Variants in UVRAG observed in about 807,000 individuals in gnomAD.
UVRAG encodes UV radiation resistance associated.
A neutral mutation model predicts 78.0 loss-of-function variants in UVRAG; 19 were observed. The observed-to-expected ratio is 0.24, with a 90% CI of 0.17 to 0.36. The LOEUF (loss-of-function observed/expected upper bound fraction) is 0.36, where lower values mean the gene tolerates loss of function less well. Ranked by LOEUF, UVRAG falls within the 10% of genes least tolerant of loss-of-function variation. UVRAG has a pLI of 1.00. For missense variants in UVRAG, 740 were observed against 853.8 expected (o/e 0.87, Z 1.66); for synonymous variants, 323 against 324.6 (o/e 1.00, Z 0.05).
In UVRAG at chr11:76,016,907, C is replaced by G; in HGVS notation, c.1153C>G (p.Pro385Ala). Residue 385 changes from proline (P) to alanine (A), a missense_variant, in exon 12 of 15, where the codon CCT (proline) becomes GCT (alanine). Physicochemically the swap from Pro to Ala is conservative, Grantham distance 27 (BLOSUM62 -1). Transcript: ENST00000356136. ...SFFLQVPLRY[P>A]IIHKGSRSTI... Reference sequence around the variant, plus strand: ...TTTCCTACAAGTGCCCCTCAGATATCCTATAATTCATAAGGGGTCTAGATC... The same window carrying G: ...TTTCCTACAAGTGCCCCTCAGATATGCTATAATTCATAAGGGGTCTAGATC... 6.2e-7 allele frequency: 1 copy of G among 1,612,084 alleles called. No homozygotes were observed. The highest frequency in any genetic ancestry group is 8.5e-7 in the Non-Finnish European group (1 of 1,178,758).
chr11:75,886,873 A>G (rs1044894591), intron 4 of UVRAG, among the ~76,000 whole-genome samples: 4 of 150,718 alleles, frequency 2.7e-5, no homozygotes, highest in South Asian at 2.1e-4. Context: ...TTTTGCCACA[A>G]CTCTTTCTGA....
At chr11:76,002,629 T>C (rs1949837617) in intron 8 of UVRAG, among the ~76,000 whole-genome samples, 1 of 152,184 alleles carries the variant, frequency 6.6e-6, no homozygotes, top group Non-Finnish European at 1.5e-5. Context: ...TCAACCTAAA[T>C]GTCTTAAAAA....
intron 12 of UVRAG, among the ~76,000 whole-genome samples, chr11:76,020,851 C>T (rs1181401770): frequency 1.3e-5 from 2 of 152,000 alleles, no homozygotes; most frequent in East Asian, 3.9e-4. Flanking sequence ...CCCCAGAGCA[C>T]CTTTTCCGTG....
intron 5 of UVRAG, among the ~76,000 whole-genome samples, chr11:75,901,784 C>G (rs1258076923): frequency 6.6e-6 from 1 of 152,114 alleles, no homozygotes; most frequent in Non-Finnish European, 1.5e-5. Context: ...CTTGCTATTC[C>G]TTATTTCTAA....
chr11:75,824,289 C>T (rs1029090523), intron 1 of UVRAG, among the ~76,000 whole-genome samples: 2 of 151,930 alleles, frequency 1.3e-5, no homozygotes, highest in African/African-American at 4.8e-5. Flanking sequence ...GAGGAAGCCT[C>T]AGAAACTTAA....
At chr11:75,902,656 A>G (rs910227219) in intron 5 of UVRAG, among the ~76,000 whole-genome samples, 2 of 151,880 alleles carry the variant, frequency 1.3e-5, no homozygotes, top group Non-Finnish European at 2.9e-5. Flanking sequence ...CCTGGCCTCA[A>G]ATTTTATAGT....
chr11:75,908,950 A>G (rs1219623751), intron 5 of UVRAG, among the ~76,000 whole-genome samples: 2 of 151,978 alleles, frequency 1.3e-5, no homozygotes, highest in African/African-American at 4.8e-5. Context: ...GTATTCTTTT[A>G]TAAGCCTTCT....
chr11:76,028,578 GAA>G (rs1267683450), intron 12 of UVRAG, among the ~76,000 whole-genome samples: 7 of 152,002 alleles, frequency 4.6e-5, no homozygotes, highest in Non-Finnish European at 8.8e-5. Flanking sequence ...ATAAGAAAGT[GAA>G]AAGACTTATT....
chr11:76,078,896 T>C (rs1951449229), intron 13 of UVRAG, among the ~76,000 whole-genome samples: 1 of 151,684 alleles, frequency 6.6e-6, no homozygotes, highest in African/African-American at 2.4e-5. Context: ...ACCACTGCAC[T>C]CCAGCCTGGG....
intron 2 of UVRAG, among the ~76,000 whole-genome samples, chr11:75,858,153 A>AAT (rs1555075539): frequency 9.9e-5 from 15 of 151,822 alleles, no homozygotes; most frequent in African/African-American, 3.4e-4. Flanking sequence ...GGTAAAAAAA[A>AAT]ATATATATGT....
chr11:76,081,602 C>G (rs1344118145), intron 13 of UVRAG, among the ~76,000 whole-genome samples: 1 of 151,820 alleles, frequency 6.6e-6, no homozygotes, highest in Non-Finnish European at 1.5e-5. Context: ...CAGTAATATT[C>G]TACAATTTCT....
intron 14 of UVRAG, among the ~76,000 whole-genome samples, chr11:76,135,497 T>G (rs1348478115): frequency 6.6e-6 from 1 of 151,904 alleles, no homozygotes; most frequent in Non-Finnish European, 1.5e-5. Flanking sequence ...CAGGAAATAC[T>G]TTTTTACTTA....
intron 6 of UVRAG, among the ~76,000 whole-genome samples, chr11:75,960,906 A>C (rs368160519): frequency 6.6e-6 from 1 of 152,146 alleles, no homozygotes; most frequent in South Asian, 2.1e-4. Flanking sequence ...GCTAGTTTGA[A>C]CCTGGCCGAG....
chr11:76,060,329 A>G (rs1471433077), intron 12 of UVRAG, among the ~76,000 whole-genome samples: 2 of 152,240 alleles, frequency 1.3e-5, no homozygotes, highest in Non-Finnish European at 2.9e-5. Context: ...GCTACCTATC[A>G]TGATGACTCT....
intron 14 of UVRAG, among the ~76,000 whole-genome samples, chr11:76,127,667 A>T (rs1414329764): frequency 6.7e-6 from 1 of 149,636 alleles, no homozygotes; most frequent in Admixed American, 6.7e-5. Flanking sequence ...GAATGAATGA[A>T]TCAATGAGGC....
chr11:75,874,584 T>C (rs1690225771), intron 3 of UVRAG, among the ~76,000 whole-genome samples: 1 of 152,226 alleles, frequency 6.6e-6, no homozygotes, highest in Non-Finnish European at 1.5e-5. Flanking sequence ...TGTGGATTTA[T>C]TGTTAGGATT....
intron 13 of UVRAG, among the ~76,000 whole-genome samples, chr11:76,069,063 C>G (rs1951251729): frequency 6.6e-6 from 1 of 152,206 alleles, no homozygotes; most frequent in Non-Finnish European, 1.5e-5. Context: ...TTTGAATAGT[C>G]AATAGGACCT....
At chr11:76,051,094 G>A (rs539518614) in intron 12 of UVRAG, among the ~76,000 whole-genome samples, 4 of 152,282 alleles carry the variant, frequency 2.6e-5, no homozygotes, top group African/African-American at 4.8e-5. Context: ...GTCCTGATAC[G>A]TTTAAGCAAA....
chr11:75,859,965 T>G (rs1299672911), intron 2 of UVRAG, among the ~76,000 whole-genome samples: 1 of 152,226 alleles, frequency 6.6e-6, no homozygotes, highest in Non-Finnish European at 1.5e-5. Flanking sequence ...TTATTTATTT[T>G]GAGATGGAGT....
Sources: allele counts gnomAD v4.1 joint callset (sites outside exome capture counted in the v4.1 genomes callset), GRCh38; gene constraint gnomAD v4.1.1; transcripts MANE v1.5; gene names NCBI Gene and HGNC (gene_info 2026-07-23, HGNC 2026-07-21).